The following EPHA1 variants were observed in gnomAD, a reference collection of about 807,000 sequenced individuals.
EPHA1 encodes the protein ephrin type-A receptor 1.
EPHA1 carries 92 observed loss-of-function variants against 110.1 expected under a neutral mutation model. That is an observed-to-expected ratio of 0.84 (90% CI 0.71 to 0.99). The LOEUF is 0.99. Among genes scored for constraint, EPHA1 ranks in the 50% least tolerant of loss-of-function variants. The pLI is 0.00. For synonymous variants in EPHA1, 500 were observed against 516.1 expected (o/e 0.97, Z 0.42); for missense variants, 1,204 against 1,285.4 (o/e 0.94, Z 0.97).
rs1805428043 is a variant in EPHA1 at position 143,401,790 on chromosome 7, T to C, written c.151-185A>G. On this transcript the variant is annotated intron_variant, in intron 2 of 17. Transcript: ENST00000275815. The surrounding 1 kb of genome is among the most constrained non-coding windows in gnomAD (Gnocchi z 4.1). Reference sequence around the variant, plus strand: ...GTTTAGGGTTGGGGATTTGTTTGGATATAAGATGGGCAAGACAATAGTCCC... The same window carrying C: ...GTTTAGGGTTGGGGATTTGTTTGGACATAAGATGGGCAAGACAATAGTCCC... 6.6e-6 allele frequency among the ~76,000 whole-genome samples: 1 copy of C among 152,192 alleles called. No homozygotes were observed. The highest frequency in any genetic ancestry group is 1.5e-5 in the Non-Finnish European group (1 of 68,048).
intron 16 of EPHA1, among the ~76,000 whole-genome samples, chr7:143,392,446 A>C (rs1805114332): frequency 6.6e-6 from 1 of 152,230 alleles, no homozygotes; most frequent in South Asian, 2.1e-4. Flanking sequence ...TTCTCCCAGA[A>C]ACAAGGTTAT....
At position 143,393,911 on chromosome 7, in the gene EPHA1, G is replaced by T. The variant is rs747275390; in HGVS notation, c.2503-47C>A. ...TGCTCTAGAGTAGCAAGCTAACCTGGAGGCCCATGAGAAACCGACGGTCAC... is the reference window on the plus strand; with the variant it reads ...TGCTCTAGAGTAGCAAGCTAACCTGTAGGCCCATGAGAAACCGACGGTCAC... On this transcript the variant is annotated intron_variant, in intron 15 of 17. Transcript: ENST00000275815. The surrounding 1 kb of genome is among the most constrained non-coding windows in gnomAD (Gnocchi z 5.6). 2.7e-6 allele frequency: 4 copies of T among 1,506,086 alleles called. No homozygotes were observed. The highest frequency in any genetic ancestry group is 3.6e-6 in the Non-Finnish European group (4 of 1,125,998). The allele number at this position is 1,506,086 out of a possible 1,614,324, so 93.3% of individuals were successfully genotyped here. A position where few individuals can be genotyped will look rare whatever the true frequency, so the allele number is the denominator to read the frequency against.
At position 143,393,842 on chromosome 7, in the gene EPHA1, C is replaced by G. The variant is rs764660537; in HGVS notation, c.2525G>C (p.Gly842Ala). The part of the protein sequence containing the change: ...NQEVMKSIED[G>A]YRLPPPVDCP... ...GTCCACAGGAGGGGGCAACCGGTAC[C>G]CATCCTCAATGCTCTTCATAACCTG... Residue 842 changes from glycine (G) to alanine (A), a missense_variant, in exon 16 of 18, where the codon GGG becomes GCG. Physicochemically the swap from Gly to Ala is moderately conservative, Grantham distance 60. Coordinates refer to ENST00000275815, the MANE Select transcript of EPHA1 (RefSeq NM_005232.5). This position sits in a 1 kb window ranked among gnomAD's most constrained non-coding sequence, Gnocchi z 5.6. 3 of 1,575,162 alleles carry G rather than the reference C, an allele frequency of 1.9e-6. No individual in the cohort carries two copies. Among genetic ancestry groups the G allele is most frequent in the Non-Finnish European group, 1.7e-6 (2 of 1,157,356 alleles).
chr7:143,392,134 TAGG>T (rs1218913295), intron 16 of EPHA1, among the ~76,000 whole-genome samples: 4 of 152,272 alleles, frequency 2.6e-5, no homozygotes, highest in South Asian at 2.1e-4. Flanking sequence ...AAGCTGAAAG[TAGG>T]AGAACAGAGG....
At position 143,397,543 on chromosome 7, in the gene EPHA1, G is replaced by GC. The variant is rs1443290911; in HGVS notation, c.1712+17_1712+18insG. On this transcript the variant is annotated intron_variant, in intron 9 of 17. Transcript: ENST00000275815. Reference sequence around the variant, plus strand: ...CTGACCCAGGGCTGGTGGTTGGGGAGGGGGCAGGAGCTGGCACCTGGACCG... The same window carrying GC: ...CTGACCCAGGGCTGGTGGTTGGGGAGCGGGGCAGGAGCTGGCACCTGGACCG... The GC allele has an allele frequency of 9.3e-6, 15 of 1,612,880 alleles. No homozygotes were observed. Among genetic ancestry groups the GC allele is most frequent in the Non-Finnish European group, 1.1e-5 (13 of 1,179,166 alleles).
intron 2 of EPHA1, among the ~76,000 whole-genome samples, chr7:143,406,906 C>T (rs3935999): frequency 0.16 from 23,831 of 152,058 alleles, 2,159 homozygotes; most frequent in East Asian, 0.35. Flanking sequence ...CACCTCACAA[C>T]CTGTTCACTG....
intron 5 of EPHA1, 139 bp from the exon 6 acceptor site, chr7:143,399,084 A>T (rs957144246): frequency 6.3e-5 from 76 of 1,212,646 alleles, no homozygotes; most frequent in Non-Finnish European, 5.0e-5. Flanking sequence ...GGGTTTGACT[A>T]CATCTCTGCA....
In EPHA1 at chr7:143,391,411, G is replaced by A. The variant is rs200895252; in HGVS notation, c.*46C>T. On this transcript the variant is annotated 3_prime_UTR_variant, in exon 18 of 18. Coordinates refer to ENST00000275815, the MANE Select transcript of EPHA1 (RefSeq NM_005232.5). ...AGTGACCATGAGCGACCTTGGCCCC[G>A]TCCTTGCTCCTTGCACCCTGATTGG... 9.3e-5 allele frequency: 149 copies of A among 1,609,856 alleles called. 3 individuals carry two copies. The East Asian group carries it at 1.2e-3, about 13-fold the overall frequency.
chr7:143,391,758 G>A lies in EPHA1; in HGVS notation c.2714C>T (p.Pro905Leu). ...GATCCCATCTGAGCCACTCAGGCTG[G>A]GCAGGCGAAGAGTCATCCTGTGGGA... Reference protein sequence around the residue: ...NFDPRMTLRLPSLSGSDGIPY... With the variant: ...NFDPRMTLRLLSLSGSDGIPY... Residue 905 changes from proline (P) to leucine (L), a missense_variant, in exon 17 of 18, where the codon CCC (proline) becomes CTC (leucine). Transcript: ENST00000275815. The A allele has an allele frequency of 6.2e-7, 1 of 1,613,858 alleles. No homozygotes were observed. The highest frequency in any genetic ancestry group is 2.2e-5 in the East Asian group (1 of 44,872).
At chr7:143,398,231 T>A in intron 7 of EPHA1, 90 bp downstream of exon 7, 1 of 1,589,886 alleles carries the variant, frequency 6.3e-7, no homozygotes, top group South Asian at 1.1e-5. Flanking sequence ...GGACTTCGGG[T>A]GGATTCCTCC....
chr7:143,401,394 G>T lies in EPHA1; in HGVS notation c.362C>A (p.Thr121Asn), dbSNP rs760451814. 3.1e-6 allele frequency: 5 copies of T among 1,614,158 alleles called. No homozygotes were observed. The highest frequency in any genetic ancestry group is 3.4e-6 in the Non-Finnish European group (4 of 1,180,050). Residue 121 changes from threonine (T) to asparagine (N), a missense_variant, in exon 3 of 18, where the codon ACC (threonine) becomes AAC (asparagine). Physicochemically the swap from Thr to Asn is moderately conservative, Grantham distance 65 (BLOSUM62 0). Coordinates refer to ENST00000275815, the MANE Select transcript of EPHA1 (RefSeq NM_005232.5). The surrounding 1 kb of genome is among the most constrained non-coding windows in gnomAD (Gnocchi z 4.1). ...GGAGPLGCKE[T>N]FNLLYMESDQ... Reference sequence around the variant, plus strand: ...ACTCTCCATGTACAGAAGGTTGAAGGTCTCCTTGCAGCCCAGAGGCCCGGC... The same window carrying T: ...ACTCTCCATGTACAGAAGGTTGAAGTTCTCCTTGCAGCCCAGAGGCCCGGC...
chr7:143,407,648 C>T lies in EPHA1; in HGVS notation c.113G>A (p.Gly38Glu). 6.2e-7 allele frequency: 1 copy of T among 1,613,550 alleles called. No homozygotes were observed. Among genetic ancestry groups the T allele is most frequent in the Non-Finnish European group, 8.5e-7 (1 of 1,179,760 alleles). The stretch of plus-strand genomic sequence containing the variant: ...GGGATCCAGCAGCCAGCCCAGCTCT[C>T]CCTGTGCCTTGCTTGTGTCCATCAG... Reference protein sequence around the residue: ...VTLMDTSKAQGELGWLLDPPK... With the variant: ...VTLMDTSKAQEELGWLLDPPK... The change falls in exon 2 of 18, where the codon GGA becomes GAA. Residue 38 changes from glycine (G) to glutamate (E), a missense_variant. Transcript: ENST00000275815.
In EPHA1 at chr7:143,393,942, A is replaced by G. The variant is rs1441669763; in HGVS notation, c.2503-78T>C. The G allele has an allele frequency of 6.8e-7, 1 of 1,461,762 alleles. No individual in the cohort carries two copies. Among genetic ancestry groups the G allele is most frequent in the Non-Finnish European group, 9.2e-7 (1 of 1,089,844 alleles). The allele number at this position is 1,461,762 out of a possible 1,614,324, so 90.5% of individuals were successfully genotyped here. On this transcript the variant is annotated intron_variant, in intron 15 of 17. Coordinates refer to ENST00000275815, the MANE Select transcript of EPHA1 (RefSeq NM_005232.5). This position sits in a 1 kb window ranked among gnomAD's most constrained non-coding sequence, Gnocchi z 5.6. ...CATGAGAAACCGACGGTCACACAAGATAATTGCAGTGGAGATCCTAGGATG... is the reference window on the plus strand; with the variant it reads ...CATGAGAAACCGACGGTCACACAAGGTAATTGCAGTGGAGATCCTAGGATG...
intron 16 of EPHA1, among the ~76,000 whole-genome samples, chr7:143,392,948 G>GA (rs146133790): frequency 4.4e-4 from 65 of 148,822 alleles, no homozygotes; most frequent in South Asian, 9.0e-4. Flanking sequence ...TCTCGGGGTG[G>GA]AAAAAAAAAC....
At position 143,395,075 on chromosome 7, in the gene EPHA1, T is replaced by C. The variant is rs761755446; in HGVS notation, c.2145+46A>G. ...CCAGGTCTCCTCCCAGTGCCCAGGG[T>C]ACCATGGTGCATCCCCCTCCCCAGC... is the stretch of plus-strand genomic sequence containing the variant. On this transcript the variant is annotated intron_variant, in intron 13 of 17. Coordinates refer to ENST00000275815, the MANE Select transcript of EPHA1 (RefSeq NM_005232.5). The surrounding 1 kb of genome is among the most constrained non-coding windows in gnomAD (Gnocchi z 4.7). The C allele has an allele frequency of 6.8e-6, 11 of 1,613,814 alleles. No individual in the cohort carries two copies. In the East Asian group the frequency reaches 2.2e-4, roughly 33 times the overall value.
chr7:143,403,096 G>T (rs1050477307), intron 2 of EPHA1, among the ~76,000 whole-genome samples: 8 of 152,220 alleles, frequency 5.3e-5, no homozygotes, highest in Non-Finnish European at 8.8e-5. Flanking sequence ...GCCGGGAGTG[G>T]TGGCTCACGC....
At chr7:143,400,250 T>C (rs998651556) in intron 3 of EPHA1, among the ~76,000 whole-genome samples, 197 bp from the exon 4 acceptor site, 3 of 152,198 alleles carry the variant, frequency 2.0e-5, no homozygotes, top group East Asian at 3.9e-4. Flanking sequence ...GGATGGCTTA[T>C]TGTCTCTATT....
chr7:143,400,170 G>T (rs1805380964), intron 3 of EPHA1, 117 bp from the exon 4 acceptor site: 7 of 1,247,990 alleles, frequency 5.6e-6, no homozygotes, highest in African/African-American at 4.5e-5. Context: ...AGCCTTGTAT[G>T]TGTGAGGTGC....
chr7:143,405,282 A>G (rs575615457), intron 2 of EPHA1, among the ~76,000 whole-genome samples: 23 of 152,172 alleles, frequency 1.5e-4, no homozygotes, highest in Non-Finnish European at 3.4e-4. Context: ...AGATGTTCCC[A>G]GCTGTGCCTT....
Sources: allele counts gnomAD v4.1 joint callset (sites outside exome capture counted in the v4.1 genomes callset), GRCh38; gene constraint gnomAD v4.1.1; non-coding constraint Gnocchi (gnomAD v3.1); transcripts MANE v1.5; gene names NCBI Gene and HGNC (gene_info 2026-07-23, HGNC 2026-07-21).